MS4A2: variants seen among roughly 807,000 people sequenced by gnomAD.
The protein encoded by MS4A2 is high affinity immunoglobulin epsilon receptor subunit beta.
Under a neutral mutation model 27.9 loss-of-function variants are expected in MS4A2, and 26 were observed. That is an observed-to-expected ratio of 0.93 (90% CI 0.68 to 1.29). The LOEUF (loss-of-function observed/expected upper bound fraction) is 1.29, where lower values mean the gene tolerates loss of function less well. Ranked by LOEUF, MS4A2 falls within the 50% of genes most tolerant of loss-of-function variation. The pLI is 0.00. For synonymous variants in MS4A2, 110 were observed against 98.8 expected, an observed-to-expected ratio of 1.11 and a Z score of -0.67; for missense variants, 284 against 284.6, an observed-to-expected ratio of 1.00 and a Z score of 0.01.
chr11:60,090,412 T>C lies in MS4A2; in HGVS notation c.263T>C (p.Ile88Thr), dbSNP rs1450583148. 1 of 1,613,498 alleles carries C rather than the reference T, an allele frequency of 6.2e-7. No homozygotes were observed. ...VVCSVLDISHIEGDIFSSFKA... is the reference protein window; with the variant it reads ...VVCSVLDISHTEGDIFSSFKA... ...TGCTCTGTACTTGATATTTCACACA[T>C]TGAGGGAGACATTTTTTCATCATTT... Residue 88 changes from isoleucine to threonine, a missense_variant, in exon 3 of 7, where the codon ATT becomes ACT. Transcript: ENST00000278888.
intron 4 of MS4A2, 41 bp downstream of exon 4, chr11:60,092,889 T>C (rs1565075087): frequency 6.3e-7 from 1 of 1,581,310 alleles, no homozygotes; most frequent in Admixed American, 1.7e-5. Context: ...CTTGAAAAGA[T>C]AAGAAGAACA....
intron 3 of MS4A2, 137 bp downstream of exon 3, chr11:60,090,607 A>C: frequency 5.7e-5 from 43 of 752,278 alleles, no homozygotes; most frequent in Middle Eastern, 3.9e-4. Context: ...GTGAGCATAT[A>C]TAACATAGAT....
chr11:60,090,376 G>A lies in MS4A2; in HGVS notation c.227G>A (p.Gly76Glu), dbSNP rs753772114. Residue 76 changes from glycine to glutamate, a missense_variant, in exon 3 of 7, where the codon GGA becomes GAA. By Grantham distance (98) the Gly-to-Glu change is moderately conservative (BLOSUM62 -2). Coordinates refer to ENST00000278888, the MANE Select transcript of MS4A2 (RefSeq NM_000139.5). Reference protein sequence around the residue: ...ILTAMICLCFGTVVCSVLDIS... With the variant: ...ILTAMICLCFETVVCSVLDIS... ...ACTGCTATGATATGCCTTTGTTTTG[G>A]AACAGTTGTCTGCTCTGTACTTGAT... 2.2e-5 allele frequency: 35 copies of A among 1,613,110 alleles called. No individual in the cohort carries two copies. Among genetic ancestry groups the A allele is most frequent in the Non-Finnish European group, 3.0e-5 (35 of 1,179,862 alleles).
chr11:60,094,022 T>C lies in MS4A2; in HGVS notation c.596T>C (p.Leu199Pro), dbSNP rs762416350. 5.0e-6 allele frequency: 8 copies of C among 1,614,076 alleles called. No homozygotes were observed. In the Admixed American group the frequency reaches 1.3e-4, roughly 27 times the overall value. Reference protein sequence around the residue: ...TILGLGSAVSLTICGAGEELK... With the variant: ...TILGLGSAVSPTICGAGEELK... ...CTGGGACTTGGTAGTGCTGTGTCAC[T>C]CACAATCTGTGGAGCTGGGGAAGAA... The change falls in exon 6 of 7, where the codon CTC (leucine) becomes CCC (proline). Residue 199 changes from leucine to proline, a missense_variant. Leu to Pro is a moderately conservative substitution (Grantham distance 98). Transcript: ENST00000278888.
chr11:60,093,446 G>C lies in MS4A2; in HGVS notation c.425G>C (p.Gly142Ala), dbSNP rs1855805348. Reference protein sequence around the residue: ...GANTASSIAGGTGITILIINL... With the variant: ...GANTASSIAGATGITILIINL... Reference sequence around the variant, plus strand: ...AACACTGCCAGCAGCATAGCTGGGGGAACGGGAATTACCATCCTGATCATC... The same window carrying C: ...AACACTGCCAGCAGCATAGCTGGGGCAACGGGAATTACCATCCTGATCATC... The change falls in exon 5 of 7, where the codon GGA (glycine) becomes GCA (alanine). Residue 142 changes from glycine (G) to alanine (A), a missense_variant. Transcript: ENST00000278888. The C allele has an allele frequency of 1.9e-6, 3 of 1,614,186 alleles. No individual in the cohort carries two copies. The highest frequency in any genetic ancestry group is 2.2e-5 in the South Asian group (2 of 91,082).
At chr11:60,092,937 C>G (rs1367502456) in intron 4 of MS4A2, 89 bp downstream of exon 4, 2 of 1,251,882 alleles carry the variant, frequency 1.6e-6, no homozygotes, top group African/African-American at 2.9e-5. Flanking sequence ...ATCTTTGTCT[C>G]CTATATTACT....
At chr11:60,090,236 C>A in intron 2 of MS4A2, 100 bp from the exon 3 acceptor site, 2 of 1,180,302 alleles carry the variant, frequency 1.7e-6, no homozygotes, top group South Asian at 1.2e-5. Context: ...CAGTCTAGGA[C>A]ACTAACGCAG....
At chr11:60,092,726 G>C (rs569279197) in intron 3 of MS4A2, 66 bp from the exon 4 acceptor site, 1 of 1,418,006 alleles carries the variant, frequency 7.1e-7, no homozygotes, top group Admixed American at 1.8e-5. Context: ...TTGGAAGATG[G>C]GGTTAAAAAG....
At position 60,094,068 on chromosome 11, in the gene MS4A2, T is replaced by G; in HGVS notation, c.636+6T>G. The G allele has an allele frequency of 6.3e-7, 1 of 1,587,562 alleles. No homozygotes were observed. ...AAGAACTCAAAGGAAACAAGGTAGA[T>G]AGAAGCCCGATATAAAATCTTGAAT... On this transcript the variant is annotated splice_donor_region_variant and intron_variant, in intron 6 of 6. Coordinates refer to ENST00000278888, the MANE Select transcript of MS4A2 (RefSeq NM_000139.5).
chr11:60,090,374 T>C lies in MS4A2; in HGVS notation c.225T>C (p.Phe75=). 1 of 1,613,538 alleles carries C rather than the reference T, an allele frequency of 6.2e-7. No individual in the cohort carries two copies. Among genetic ancestry groups the C allele is most frequent in the East Asian group, 2.2e-5 (1 of 44,826 alleles). The change falls in exon 3 of 7, where the codon TTT becomes TTC. Residue 75 remains phenylalanine, a synonymous_variant. Coordinates refer to ENST00000278888, the MANE Select transcript of MS4A2 (RefSeq NM_000139.5). ...TGACTGCTATGATATGCCTTTGTTT[T>C]GGAACAGTTGTCTGCTCTGTACTTG... The part of the protein sequence containing the change: ...QILTAMICLC[F]GTVVCSVLDI...
Position 60,093,512 on chromosome 11 carries a change from G to A in MS4A2, c.491G>A (p.Cys164Tyr). Residue 164 changes from cysteine (C) to tyrosine (Y), a missense_variant, in exon 5 of 7, where the codon TGC (cysteine) becomes TAC (tyrosine). Transcript: ENST00000278888. ...TTGGCCTATATCCACATCCACAGTTGCCAGAAATTTTTTGAGACCAAGTGC... is the reference window on the plus strand; with the variant it reads ...TTGGCCTATATCCACATCCACAGTTACCAGAAATTTTTTGAGACCAAGTGC... ...KSLAYIHIHS[C>Y]QKFFETKCFM... 6.2e-7 allele frequency: 1 copy of A among 1,614,164 alleles called. No homozygotes were observed. The highest frequency in any genetic ancestry group is 8.5e-7 in the Non-Finnish European group (1 of 1,180,030).
At chr11:60,093,923 C>T (rs1164150301) in intron 5 of MS4A2, 41 bp from the exon 6 acceptor site, 6 of 1,489,670 alleles carry the variant, frequency 4.0e-6, no homozygotes, top group African/African-American at 1.4e-5. Flanking sequence ...GGGCGAATAC[C>T]ATGTGACTCT....
intron 1 of MS4A2, among the ~76,000 whole-genome samples, chr11:60,089,247 A>C (rs1855712393): frequency 6.6e-6 from 1 of 152,216 alleles, no homozygotes. Flanking sequence ...GAAAATAGTA[A>C]TAGAGTCCCA....
chr11:60,092,594 C>G (rs886139958), intron 3 of MS4A2, among the ~76,000 whole-genome samples, 198 bp from the exon 4 acceptor site: 1 of 152,118 alleles, frequency 6.6e-6, no homozygotes, highest in African/African-American at 2.4e-5. Flanking sequence ...CCACACCCAG[C>G]CTTATTCGTA....
chr11:60,095,958 G>A lies in MS4A2; in HGVS notation c.*302G>A, dbSNP rs1855862132. The A allele has an allele frequency of 3.9e-6, 1 of 256,722 alleles. No individual in the cohort carries two copies. The highest frequency in any genetic ancestry group is 7.4e-6 in the Non-Finnish European group (1 of 134,610). 15.9% of individuals were successfully genotyped at this position (256,722 alleles called of 1,614,324 possible). ...GTTTGATTATAACTGTGCAAATACA[G>A]AAAAAAAGAAGGCTGGCTGAAAGTT... On this transcript the variant is annotated 3_prime_UTR_variant, in exon 7 of 7. Coordinates refer to ENST00000278888, the MANE Select transcript of MS4A2 (RefSeq NM_000139.5).
At chr11:60,092,924 C>T in intron 4 of MS4A2, 76 bp downstream of exon 4, 1 of 1,375,702 alleles carries the variant, frequency 7.3e-7, no homozygotes, top group South Asian at 1.2e-5. Flanking sequence ...TTAAGGGAAA[C>T]ACATCTTTGT....
intron 1 of MS4A2, among the ~76,000 whole-genome samples, chr11:60,089,327 T>C (rs1855713817): frequency 6.6e-6 from 1 of 152,190 alleles, no homozygotes; most frequent in Admixed American, 6.5e-5. Context: ...ACTGACAAAA[T>C]ATATTCAGAT....
chr11:60,092,242 A>T (rs1855774667), intron 3 of MS4A2, among the ~76,000 whole-genome samples: 1 of 151,790 alleles, frequency 6.6e-6, no homozygotes, highest in African/African-American at 2.4e-5. Flanking sequence ...TCCATCCAGG[A>T]CCTAATGAAT....
chr11:60,090,541 AG>A, intron 3 of MS4A2, 71 bp downstream of exon 3: 1 of 1,417,526 alleles, frequency 7.1e-7, no homozygotes, highest in Admixed American at 1.8e-5. Flanking sequence ...AGATCTAACC[AG>A]TTGTTTATTC....
Sources: allele counts gnomAD v4.1 joint callset (sites outside exome capture counted in the v4.1 genomes callset), GRCh38; gene constraint gnomAD v4.1.1; transcripts MANE v1.5; gene names NCBI Gene and HGNC (gene_info 2026-07-23, HGNC 2026-07-21).